Variants in NKAIN2 observed in about 807,000 individuals in gnomAD.
NKAIN2 encodes sodium/potassium transporting ATPase interacting 2, also known as sodium/potassium-transporting ATPase subunit beta-1-interacting protein 2.
In NKAIN2, 14 loss-of-function variants were observed where a neutral mutation model predicts 32.6. That is an observed-to-expected ratio of 0.43 (90% CI 0.28 to 0.67). The LOEUF (loss-of-function observed/expected upper bound fraction) is 0.67. Ranked by LOEUF, NKAIN2 falls within the 30% of genes least tolerant of loss-of-function variation. NKAIN2 has a pLI of 0.17. For missense variants in NKAIN2, 198 were observed against 258.3 expected, an observed-to-expected ratio of 0.77 and a Z score of 1.60; for synonymous variants, 80 against 87.2, an observed-to-expected ratio of 0.92 and a Z score of 0.46.
chr6:124,009,908 A>G (rs961341459), intron 1 of NKAIN2, among the ~76,000 whole-genome samples: 1 of 152,148 alleles, frequency 6.6e-6, no homozygotes, highest in African/African-American at 2.4e-5. Context: ...ATGTGTATAT[A>G]TATTTATGTG....
At chr6:123,961,131 A>C (rs1376727373) in intron 1 of NKAIN2, among the ~76,000 whole-genome samples, 1 of 152,136 alleles carries the variant, frequency 6.6e-6, no homozygotes, top group Non-Finnish European at 1.5e-5. Context: ...CTCAGTGACT[A>C]GAATTGCAGG....
At chr6:124,523,154 A>AC (rs1421385372) in intron 3 of NKAIN2, among the ~76,000 whole-genome samples, 3 of 27,966 alleles carry the variant, frequency 1.1e-4, no homozygotes, top group Non-Finnish European at 1.6e-3. Context: ...AAAAAAAAAA[A>AC]AGAAAAAAGA....
intron 1 of NKAIN2, among the ~76,000 whole-genome samples, chr6:123,944,845 C>T (rs1427982025): frequency 6.6e-6 from 1 of 151,870 alleles, no homozygotes; most frequent in East Asian, 1.9e-4. Flanking sequence ...AAGGTCATAG[C>T]TCTCGATATG....
intron 4 of NKAIN2, among the ~76,000 whole-genome samples, chr6:124,739,916 GGACTAT>G (rs1403609220): frequency 6.6e-6 from 1 of 151,848 alleles, no homozygotes; most frequent in Non-Finnish European, 1.5e-5. Flanking sequence ...AGAAAGGAAT[GGACTAT>G]GCTGGGCAGA....
At chr6:123,814,929 A>G (rs1177997028) in intron 1 of NKAIN2, among the ~76,000 whole-genome samples, 2 of 152,218 alleles carry the variant, frequency 1.3e-5, no homozygotes, top group Non-Finnish European at 2.9e-5. Context: ...TGCAGTCATG[A>G]TCATTTAAAA....
intron 2 of NKAIN2, among the ~76,000 whole-genome samples, chr6:124,338,297 A>C (rs1215956553): frequency 1.3e-5 from 2 of 152,226 alleles, no homozygotes; most frequent in African/African-American, 4.8e-5. Context: ...TGAAAACTAA[A>C]ATGACAGATA....
chr6:124,711,139 A>C (rs1775429192), intron 4 of NKAIN2, among the ~76,000 whole-genome samples: 1 of 139,360 alleles, frequency 7.2e-6, no homozygotes, highest in African/African-American at 2.8e-5. Context: ...TCTTTTCTTT[A>C]AGAATGTTGA....
At chr6:124,411,843 T>G (rs1583210627) in intron 3 of NKAIN2, among the ~76,000 whole-genome samples, 2 of 152,232 alleles carry the variant, frequency 1.3e-5, no homozygotes. Flanking sequence ...TTTGGTCTTT[T>G]CACGTAGTTC....
chr6:124,804,790 G>T (rs185803266), intron 5 of NKAIN2, among the ~76,000 whole-genome samples: 1 of 152,178 alleles, frequency 6.6e-6, no homozygotes, highest in African/African-American at 2.4e-5. Flanking sequence ...ACTCCCACCC[G>T]AATACTGCAC....
At chr6:124,652,887 C>A (rs569026261) in intron 3 of NKAIN2, among the ~76,000 whole-genome samples, 1 of 152,304 alleles carries the variant, frequency 6.6e-6, no homozygotes, top group East Asian at 1.9e-4. Flanking sequence ...CACTTCCCAA[C>A]ACTATTGCTT....
chr6:124,482,781 C>G (rs990669798), intron 3 of NKAIN2, among the ~76,000 whole-genome samples: 1 of 152,146 alleles, frequency 6.6e-6, no homozygotes. Context: ...TAGCAATTTA[C>G]CTTCATGCTA....
At chr6:123,875,623 A>G (rs1166846491) in intron 1 of NKAIN2, among the ~76,000 whole-genome samples, 1 of 151,980 alleles carries the variant, frequency 6.6e-6, no homozygotes, top group East Asian at 1.9e-4. Context: ...CGTTATTGAT[A>G]TAGAGAGGTT....
intron 3 of NKAIN2, among the ~76,000 whole-genome samples, chr6:124,436,295 C>T (rs752364847): frequency 6.6e-6 from 1 of 152,104 alleles, no homozygotes; most frequent in Non-Finnish European, 1.5e-5. Flanking sequence ...AGCTCAGATG[C>T]CTTTCTCAGC....
intron 4 of NKAIN2, among the ~76,000 whole-genome samples, chr6:124,713,065 T>C (rs1047477429): frequency 6.6e-6 from 1 of 152,048 alleles, no homozygotes; most frequent in Non-Finnish European, 1.5e-5. Flanking sequence ...AGTAAACATT[T>C]AAAATAATAA....
intron 1 of NKAIN2, among the ~76,000 whole-genome samples, chr6:124,079,370 C>G (rs1783844697): frequency 2.0e-5 from 3 of 152,020 alleles, no homozygotes; most frequent in African/African-American, 7.2e-5. Context: ...TAAATTTAGA[C>G]AAACTATAGC....
chr6:124,343,559 A>C (rs949099778), intron 2 of NKAIN2, among the ~76,000 whole-genome samples: 1 of 151,778 alleles, frequency 6.6e-6, no homozygotes, highest in African/African-American at 2.4e-5. Context: ...TGTGGTTTTG[A>C]TTTGTATTTC....
At chr6:124,181,791 T>C (rs1387048063) in intron 1 of NKAIN2, among the ~76,000 whole-genome samples, 1 of 152,158 alleles carries the variant, frequency 6.6e-6, no homozygotes, top group African/African-American at 2.4e-5. Flanking sequence ...ACTGTCCATA[T>C]CACTATCAGC....
intron 4 of NKAIN2, among the ~76,000 whole-genome samples, chr6:124,745,380 A>T (rs941801839): frequency 6.6e-6 from 1 of 151,920 alleles, no homozygotes; most frequent in African/African-American, 2.4e-5. Context: ...ATATGACAGA[A>T]TCTCTCAGAC....
chr6:124,174,277 G>A (rs1386534774), intron 1 of NKAIN2, among the ~76,000 whole-genome samples: 1 of 152,136 alleles, frequency 6.6e-6, no homozygotes, highest in Non-Finnish European at 1.5e-5. Flanking sequence ...AGAAAATTCA[G>A]AAGTTGTTCA....
Sources: gnomAD v4.1 joint callset for allele counts (sites outside exome capture counted in the v4.1 genomes callset) on GRCh38, gnomAD v4.1.1 for gene constraint, MANE v1.5 for transcripts, NCBI Gene and HGNC (gene_info 2026-07-23, HGNC 2026-07-21) for gene names.